The following ANAPC1 variants were observed in gnomAD, a reference collection of about 807,000 sequenced individuals.
The protein encoded by ANAPC1 is anaphase promoting complex subunit 1.
ANAPC1 carries 36 observed loss-of-function variants against 208.0 expected under a neutral mutation model. The observed-to-expected ratio is 0.17, with a 90% CI of 0.13 to 0.23. The LOEUF (loss-of-function observed/expected upper bound fraction) is 0.23, where lower values mean the gene tolerates loss of function less well. ANAPC1 is among the 10% of genes least tolerant of loss of function. The pLI is 1.00. For synonymous variants in ANAPC1, 378 were observed against 695.2 expected (o/e 0.54, Z 7.18); for missense variants, 942 against 2,011.6 (o/e 0.47, Z 10.17).
rs1281785115 is a variant in ANAPC1 at position 111,769,194 on chromosome 2, T to C, written c.*97A>G. Reference sequence around the variant, plus strand: ...TGTGCAGCTCATTTCCCCCTAGTTATACCATAAAACTTTATAAACATTGCT... The same window carrying C: ...TGTGCAGCTCATTTCCCCCTAGTTACACCATAAAACTTTATAAACATTGCT... On this transcript the variant is annotated 3_prime_UTR_variant, in exon 48 of 48. Coordinates refer to ENST00000341068, the MANE Select transcript of ANAPC1 (RefSeq NM_022662.4). The C allele has an allele frequency of 2.3e-6, 3 of 1,309,170 alleles. No homozygotes were observed. Among genetic ancestry groups the C allele is most frequent in the African/African-American group, 1.5e-5 (1 of 68,074 alleles). 81.1% of individuals were successfully genotyped at this position (1,309,170 alleles called of 1,614,324 possible).
Position 111,831,334 on chromosome 2 carries a change from A to G in ANAPC1, c.2577T>C (p.Pro859=). Residue 859 remains proline, a synonymous_variant, in exon 21 of 48, where the codon CCT becomes CCC. Transcript: ENST00000341068. ...CACAGATTCCAGGGAGGTAAGGATAAGGTGGCATTCCTTCACCCTTCAGAC... is the reference window on the plus strand; with the variant it reads ...CACAGATTCCAGGGAGGTAAGGATAGGGTGGCATTCCTTCACCCTTCAGAC... ...SSCLKGEGMP[P]YPYLPGICER... 1 of 1,611,982 alleles carries G rather than the reference A, an allele frequency of 6.2e-7. No individual in the cohort carries two copies. Among genetic ancestry groups the G allele is most frequent in the Non-Finnish European group, 8.5e-7 (1 of 1,179,834 alleles).
At chr2:111,871,089 G>T (rs1431932781) in intron 6 of ANAPC1, among the ~76,000 whole-genome samples, 1 of 151,954 alleles carries the variant, frequency 6.6e-6, no homozygotes, top group Non-Finnish European at 1.5e-5. Flanking sequence ...ATGCTGTTTT[G>T]CTAATTATAA....
rs540804069 is a variant in ANAPC1 at position 111,848,449 on chromosome 2, G to C, written c.1651-584C>G. On this transcript the variant is annotated intron_variant, in intron 14 of 47. Transcript: ENST00000341068. ...TCATAGCTAAGAGGGAGAGAAGCCA[G>C]CAGCACTGTTAGCAACCTTACAGGG... is the stretch of plus-strand genomic sequence containing the variant. 8.8e-3 allele frequency among the ~76,000 whole-genome samples: 1,342 copies of C among 151,754 alleles called. 21 individuals are homozygous for C. The highest frequency in any genetic ancestry group is 0.031 in the African/African-American group (1,285 of 41,390).
intron 9 of ANAPC1, among the ~76,000 whole-genome samples, chr2:111,862,857 G>T (rs1472845651): frequency 4.6e-5 from 7 of 151,590 alleles, no homozygotes; most frequent in Non-Finnish European, 8.8e-5. Context: ...CTTCTTTTTC[G>T]GAAAATGAAT....
At chr2:111,772,571 C>T (rs563647228) in intron 46 of ANAPC1, 96 bp from the exon 47 acceptor site, 22 of 540,556 alleles carry the variant, frequency 4.1e-5, no homozygotes, top group South Asian at 2.2e-4. Flanking sequence ...ACTTATTGAA[C>T]GCTCAGCATA....
chr2:111,860,719 C>T (rs1005817571), intron 10 of ANAPC1, among the ~76,000 whole-genome samples: 6 of 152,062 alleles, frequency 3.9e-5, no homozygotes, highest in Non-Finnish European at 8.8e-5. Context: ...TCTGTGCCAG[C>T]TTTGTCTCTT....
At chr2:111,815,123 A>C (rs1463310106) in intron 28 of ANAPC1, among the ~76,000 whole-genome samples, 1 of 148,168 alleles carries the variant, frequency 6.7e-6, no homozygotes, top group Non-Finnish European at 1.5e-5. Flanking sequence ...TCACTCATTA[A>C]ATTCTACTCT....
intron 34 of ANAPC1, among the ~76,000 whole-genome samples, chr2:111,797,565 A>G (rs554497380): frequency 6.6e-6 from 1 of 151,776 alleles, no homozygotes; most frequent in Admixed American, 6.6e-5. Context: ...CTAAACAAAT[A>G]AAAACAAACC....
At chr2:111,833,743 T>A (rs1309483786) in intron 19 of ANAPC1, among the ~76,000 whole-genome samples, 3 of 149,980 alleles carry the variant, frequency 2.0e-5, no homozygotes, top group Non-Finnish European at 4.4e-5. Flanking sequence ...CAGAGAGCCA[T>A]GATTATGGTT....
intron 11 of ANAPC1, among the ~76,000 whole-genome samples, chr2:111,857,517 A>G (rs1681799842): frequency 6.6e-6 from 1 of 152,272 alleles, no homozygotes; most frequent in Non-Finnish European, 1.5e-5. Flanking sequence ...GAAAATAGCT[A>G]CAATCAAAGA....
At chr2:111,867,994 T>C (rs1170625536) in intron 7 of ANAPC1, 29 bp downstream of exon 7, 1 of 1,481,798 alleles carries the variant, frequency 6.7e-7, no homozygotes, top group Non-Finnish European at 9.1e-7. Flanking sequence ...AAAAAGAGCT[T>C]ATCTAAAAGA....
chr2:111,832,611 C>T (rs1680210051), intron 20 of ANAPC1, among the ~76,000 whole-genome samples: 1 of 152,170 alleles, frequency 6.6e-6, no homozygotes, highest in African/African-American at 2.4e-5. Flanking sequence ...GTGGTACTAA[C>T]TGTACACTAC....
At chr2:111,810,062 TTCA>T (rs1678889835) in intron 28 of ANAPC1, among the ~76,000 whole-genome samples, 1 of 151,726 alleles carries the variant, frequency 6.6e-6, no homozygotes, top group African/African-American at 2.4e-5. Flanking sequence ...AACCCAAATA[TTCA>T]TCAACTTATG....
chr2:111,810,818 G>A (rs1312976031), intron 28 of ANAPC1, among the ~76,000 whole-genome samples: 1 of 143,456 alleles, frequency 7.0e-6, no homozygotes, highest in Non-Finnish European at 1.5e-5. Flanking sequence ...GGGAGGTAGA[G>A]GTTGCAGTGA....
intron 7 of ANAPC1, chr2:111,865,994 A>T: frequency 5.5e-6 from 1 of 180,932 alleles, no homozygotes; most frequent in Non-Finnish European, 1.2e-5. Flanking sequence ...TCACGAGGTC[A>T]GGAGATCGAG....
intron 16 of ANAPC1, among the ~76,000 whole-genome samples, chr2:111,846,894 G>C (rs1681119091): frequency 6.6e-6 from 1 of 151,870 alleles, no homozygotes; most frequent in Non-Finnish European, 1.5e-5. Context: ...TTATTATACT[G>C]CACAATATTC....
At chr2:111,829,179 A>T (rs138375403) in intron 21 of ANAPC1, among the ~76,000 whole-genome samples, 12 of 152,284 alleles carry the variant, frequency 7.9e-5, no homozygotes, top group Admixed American at 7.2e-4. Flanking sequence ...GTGCCACTGC[A>T]CTCCAGCCTG....
rs184233563 is a variant in ANAPC1 at position 111,879,080 on chromosome 2, T to A, written c.214-109A>T. The A allele has an allele frequency of 5.0e-5, 44 of 875,930 alleles. 1 individual carries two copies. In the Middle Eastern group the frequency reaches 1.1e-3, roughly 21 times the overall value. The allele number at this position is 875,930 out of a possible 1,614,324, so 54.3% of individuals were successfully genotyped here. On this transcript the variant is annotated intron_variant, in intron 2 of 47. Transcript: ENST00000341068. ...GAGTAAGACTCAATTCAAACACAAC[T>A]CCTACAAAGTTTGGTACACTGATTA...
chr2:111,845,416 G>A (rs1680998434), intron 16 of ANAPC1, among the ~76,000 whole-genome samples: 1 of 152,098 alleles, frequency 6.6e-6, no homozygotes, highest in African/African-American at 2.4e-5. Context: ...GCACAGGTTG[G>A]AAGCAAATAA....
Sources: allele counts gnomAD v4.1 joint callset (sites outside exome capture counted in the v4.1 genomes callset), GRCh38; gene constraint gnomAD v4.1.1; transcripts MANE v1.5; gene names NCBI Gene and HGNC (gene_info 2026-07-23, HGNC 2026-07-21).